RALGPS1: variants seen among roughly 807,000 people sequenced by gnomAD.
The protein encoded by RALGPS1 is ras-specific guanine nucleotide-releasing factor RalGPS1.
RALGPS1 carries 19 observed loss-of-function variants against 78.8 expected under a neutral mutation model. The ratio of observed to expected loss-of-function variants is 0.24; its 90% confidence interval spans 0.17 to 0.35. The LOEUF (loss-of-function observed/expected upper bound fraction) is 0.35, where lower values mean the gene tolerates loss of function less well. Ranked by LOEUF, RALGPS1 falls within the 10% of genes least tolerant of loss-of-function variation. RALGPS1 has a pLI of 1.00. For missense variants in RALGPS1, 454 were observed against 688.3 expected (o/e 0.66, Z 3.81); for synonymous variants, 228 against 256.3 (o/e 0.89, Z 1.06).
Position 127,090,770 on chromosome 9 carries a change from G to A in RALGPS1, c.610+21414G>A, listed in dbSNP as rs77357347. Among the ~76,000 whole-genome samples the A allele has an allele frequency of 3.9e-3, 593 of 152,282 alleles. 5 individuals are homozygous for A. The highest frequency in any genetic ancestry group is 0.013 in the African/African-American group (560 of 41,554). ...ACAGCCTGAGCCTGGAGGCAGCATC[G>A]GCCGTCAGGTGGTGCCAGCCTCAGG... On this transcript the variant is annotated intron_variant, in intron 8 of 18. Coordinates refer to ENST00000259351, the MANE Select transcript of RALGPS1 (RefSeq NM_014636.3).
At chr9:126,959,171 C>T (rs1312821081) in intron 1 of RALGPS1, among the ~76,000 whole-genome samples, 2 of 152,002 alleles carry the variant, frequency 1.3e-5, no homozygotes, top group African/African-American at 2.4e-5. Context: ...AGGCGATTCC[C>T]CTGCCTCAGC....
chr9:126,970,978 A>C (rs937485464), intron 3 of RALGPS1, among the ~76,000 whole-genome samples: 1 of 152,216 alleles, frequency 6.6e-6, no homozygotes, highest in African/African-American at 2.4e-5. Context: ...AAATCTCAGA[A>C]ATGAGATGAC....
chr9:127,116,699 G>A (rs992450464), intron 8 of RALGPS1, among the ~76,000 whole-genome samples: 1 of 152,224 alleles, frequency 6.6e-6, no homozygotes, highest in Admixed American at 6.5e-5. Flanking sequence ...AGGCTGAGAA[G>A]TTGGCACCAG....
intron 14 of RALGPS1, among the ~76,000 whole-genome samples, chr9:127,208,536 C>G (rs575283860): frequency 6.6e-6 from 1 of 152,192 alleles, no homozygotes; most frequent in African/African-American, 2.4e-5. Context: ...CCTCAGTTTC[C>G]TCATTGTGGG....
At chr9:126,970,762 C>T (rs1279639150) in intron 3 of RALGPS1, among the ~76,000 whole-genome samples, 2 of 152,144 alleles carry the variant, frequency 1.3e-5, no homozygotes, top group Non-Finnish European at 2.9e-5. Context: ...TGTAAAAGCT[C>T]AGGAAAACTA....
At position 126,962,211 on chromosome 9, in the gene RALGPS1, C is replaced by T. The variant is rs2038954220; in HGVS notation, c.-65-14C>T. 1 of 1,444,202 alleles carries T rather than the reference C, an allele frequency of 6.9e-7. No homozygotes were observed. Among genetic ancestry groups the T allele is most frequent in the South Asian group, 1.2e-5 (1 of 84,690 alleles). The allele number at this position is 1,444,202 out of a possible 1,614,324, so 89.5% of individuals were successfully genotyped here. On this transcript the variant is annotated splice_polypyrimidine_tract_variant and intron_variant, in intron 1 of 18. Coordinates refer to ENST00000259351, the MANE Select transcript of RALGPS1 (RefSeq NM_014636.3). ...TTTTGAAGACTGATTTTTATGAGCC[C>T]CTTTGCCTTGCAGGACTTCTCCAGA...
chr9:127,182,236 C>T (rs1294814841), intron 11 of RALGPS1, among the ~76,000 whole-genome samples: 2 of 151,674 alleles, frequency 1.3e-5, no homozygotes, highest in Non-Finnish European at 2.9e-5. Flanking sequence ...TTCCTGAGGC[C>T]ATCACTAGAA....
chr9:126,975,862 C>T (rs990801817), intron 3 of RALGPS1, among the ~76,000 whole-genome samples: 1 of 152,174 alleles, frequency 6.6e-6, no homozygotes, highest in Admixed American at 6.5e-5. Context: ...CCAGTGCTTC[C>T]TTATTCCTGG....
chr9:127,131,722 T>C lies in RALGPS1; in HGVS notation c.611-34347T>C, dbSNP rs2057017268. ...AACTTAGGGAGGCTCCTGACCCTCG[T>C]GTCTTCATCTGTAGGATCATCCTGT... On this transcript the variant is annotated intron_variant, in intron 8 of 18. Coordinates refer to ENST00000259351, the MANE Select transcript of RALGPS1 (RefSeq NM_014636.3). Among the ~76,000 whole-genome samples, 4 of 152,200 alleles carry C rather than the reference T, an allele frequency of 2.6e-5. No individual in the cohort carries two copies. The South Asian group carries it at 8.3e-4, about 32-fold the overall frequency.
intron 4 of RALGPS1, among the ~76,000 whole-genome samples, chr9:127,014,256 A>G (rs966712849): frequency 2.0e-5 from 3 of 152,244 alleles, no homozygotes; most frequent in South Asian, 4.1e-4. Context: ...ACTTTTAAGT[A>G]TCCCTGTATA....
intron 1 of RALGPS1, among the ~76,000 whole-genome samples, chr9:126,934,993 A>C (rs2036128696): frequency 6.6e-6 from 1 of 152,168 alleles, no homozygotes; most frequent in Non-Finnish European, 1.5e-5. Context: ...CCTTGTCTTT[A>C]AGGAACTACG....
At position 127,000,665 on chromosome 9, in the gene RALGPS1, C is replaced by G. The variant is rs574915967; in HGVS notation, c.216+22920C>G. 1.1e-4 allele frequency among the ~76,000 whole-genome samples: 16 copies of G among 149,574 alleles called. No individual in the cohort carries two copies. In the East Asian group the frequency reaches 3.2e-3, roughly 30 times the overall value. ...CCAGGTTCAAGCGATTCTCCTGCCT[C>G]AGCCTCCAGAGTAGCTGGGATTACA... On this transcript the variant is annotated intron_variant, in intron 4 of 18. Transcript: ENST00000259351.
At chr9:126,971,329 G>T (rs765693165) in intron 3 of RALGPS1, among the ~76,000 whole-genome samples, 1 of 148,560 alleles carries the variant, frequency 6.7e-6, no homozygotes, top group Non-Finnish European at 1.5e-5. Context: ...CCATGAAGCC[G>T]AGAATGTCAA....
chr9:127,111,516 G>T (rs1034022906), intron 8 of RALGPS1, among the ~76,000 whole-genome samples: 1 of 152,212 alleles, frequency 6.6e-6, no homozygotes, highest in South Asian at 2.1e-4. Context: ...AGCTGGGAGT[G>T]CTGGAAAGAG....
chr9:126,985,361 G>A (rs2041700449), intron 4 of RALGPS1, among the ~76,000 whole-genome samples: 1 of 152,206 alleles, frequency 6.6e-6, no homozygotes, highest in Non-Finnish European at 1.5e-5. Context: ...ACAGACCTAT[G>A]AGCATGAAAT....
intron 4 of RALGPS1, among the ~76,000 whole-genome samples, chr9:126,995,813 GA>G (rs1409747944): frequency 6.6e-6 from 1 of 152,186 alleles, no homozygotes; most frequent in Non-Finnish European, 1.5e-5. Context: ...TAAAAGAACA[GA>G]AATTATAACA....
intron 1 of RALGPS1, among the ~76,000 whole-genome samples, chr9:126,958,366 A>G (rs984665483): frequency 1.3e-5 from 2 of 152,040 alleles, no homozygotes; most frequent in African/African-American, 4.8e-5. Flanking sequence ...GCTAACTGCC[A>G]CCACGATCCA....
At chr9:127,006,387 T>C (rs2043844398) in intron 4 of RALGPS1, among the ~76,000 whole-genome samples, 1 of 152,236 alleles carries the variant, frequency 6.6e-6, no homozygotes, top group African/African-American at 2.4e-5. Flanking sequence ...TGACATTCAC[T>C]GACTCTTGTC....
At chr9:127,174,930 C>T (rs758025934) in intron 11 of RALGPS1, 148 bp downstream of exon 11, 16 of 676,028 alleles carry the variant, frequency 2.4e-5, no homozygotes, top group Non-Finnish European at 4.1e-5. Flanking sequence ...CCTGCACCAG[C>T]CTGCCCAGGC....
Sources: allele counts gnomAD v4.1 joint callset (sites outside exome capture counted in the v4.1 genomes callset), GRCh38; gene constraint gnomAD v4.1.1; transcripts MANE v1.5; gene names NCBI Gene and HGNC (gene_info 2026-07-23, HGNC 2026-07-21).